Variants in SYTL2 observed in about 807,000 individuals in gnomAD.
The protein encoded by SYTL2 is synaptotagmin like 2, also known as synaptotagmin-like protein 2.
In SYTL2, 165 loss-of-function variants were observed where a neutral mutation model predicts 198.7. That is an observed-to-expected ratio of 0.83 (90% CI 0.73 to 0.94). The LOEUF (loss-of-function observed/expected upper bound fraction) is 0.94. Ranked by LOEUF, SYTL2 falls within the 40% of genes least tolerant of loss-of-function variation. The pLI, the probability that SYTL2 is intolerant of heterozygous loss-of-function variation, is 0.00. For missense variants in SYTL2, 2,835 were observed against 2,582.8 expected (o/e 1.10, Z -2.12); for synonymous variants, 966 against 917.7 (o/e 1.05, Z -0.95).
Position 85,715,497 on chromosome 11 carries a change from T to A in SYTL2, c.5531-990A>T, listed in dbSNP as rs556255587. Reference sequence around the variant, plus strand: ...ATCATTATAAGAGATATTAAGAAAATAGGTAAAAATCAAATTATATTTATA... The same window carrying A: ...ATCATTATAAGAGATATTAAGAAAAAAGGTAAAAATCAAATTATATTTATA... On this transcript the variant is annotated intron_variant, in intron 11 of 19. Coordinates refer to ENST00000359152, the MANE Select transcript of SYTL2 (RefSeq NM_206927.4). 3.3e-5 allele frequency among the ~76,000 whole-genome samples: 5 copies of A among 152,092 alleles called. No individual in the cohort carries two copies. In the East Asian group the frequency reaches 9.6e-4, roughly 29 times the overall value.
At chr11:85,708,712 C>G (rs1195977818) in intron 14 of SYTL2, among the ~76,000 whole-genome samples, 1 of 151,992 alleles carries the variant, frequency 6.6e-6, no homozygotes, top group African/African-American at 2.4e-5. Context: ...TTGCTTCTAT[C>G]TGAATTCACA....
At chr11:85,709,128 G>A (rs1261662672) in intron 14 of SYTL2, among the ~76,000 whole-genome samples, 5 of 151,688 alleles carry the variant, frequency 3.3e-5, no homozygotes, top group African/African-American at 2.4e-5. Flanking sequence ...GTGAGCCACC[G>A]TGCCCGGCCT....
At chr11:85,796,435 G>A (rs768553688) in intron 1 of SYTL2, among the ~76,000 whole-genome samples, 4 of 152,130 alleles carry the variant, frequency 2.6e-5, no homozygotes, top group Non-Finnish European at 4.4e-5. Context: ...AAGTGAATCC[G>A]AGGCAAATAT....
chr11:85,705,871 A>G (rs2085054386), intron 15 of SYTL2, among the ~76,000 whole-genome samples: 1 of 152,208 alleles, frequency 6.6e-6, no homozygotes, highest in Non-Finnish European at 1.5e-5. Flanking sequence ...TCAAACTGTA[A>G]TTAAAAACTT....
intron 1 of SYTL2, among the ~76,000 whole-genome samples, chr11:85,795,671 C>A (rs1356224353): frequency 6.6e-6 from 1 of 152,200 alleles, no homozygotes; most frequent in Non-Finnish European, 1.5e-5. Context: ...CTATTTCTAT[C>A]TTCTTCCTTA....
chr11:85,740,560 G>T (rs1322015033), intron 4 of SYTL2, among the ~76,000 whole-genome samples: 3 of 152,174 alleles, frequency 2.0e-5, no homozygotes, highest in Non-Finnish European at 4.4e-5. Context: ...GCCAGATACT[G>T]TGTCTTCTGT....
intron 7 of SYTL2, 94 bp from the exon 8 acceptor site, chr11:85,728,061 T>C (rs2089417998): frequency 1.7e-6 from 2 of 1,148,832 alleles, no homozygotes; most frequent in Non-Finnish European, 1.2e-6. Flanking sequence ...GCACTTTGTA[T>C]TTGCACTTTC....
intron 1 of SYTL2, among the ~76,000 whole-genome samples, chr11:85,787,601 C>T (rs1376536095): frequency 2.6e-5 from 4 of 151,880 alleles, no homozygotes; most frequent in South Asian, 2.1e-4. Context: ...AGGACTGTAC[C>T]GCAAGTCCTC....
At chr11:85,833,138 GGAAGGAAGGAAGGAAGGAAAGAAAGAAA>G in the SYTL2 span, among the ~76,000 whole-genome samples, 72 of 90,402 alleles carry the variant, frequency 8.0e-4, 2 homozygotes, top group African/African-American at 2.4e-3. Flanking sequence ...AAGGAAGGAA[GGAAGGAAGGAAGGAAGGAAAGAAAGAAA>G]GAAAGAAAGA....
At chr11:85,850,887 G>A in the SYTL2 span, among the ~76,000 whole-genome samples, 3 of 150,440 alleles carry the variant, frequency 2.0e-5, no homozygotes, top group East Asian at 1.9e-4. Flanking sequence ...GGACATGGAT[G>A]AAATTGGAAA....
chr11:85,698,670 G>A (rs1162397150), intron 17 of SYTL2, among the ~76,000 whole-genome samples: 1 of 152,102 alleles, frequency 6.6e-6, no homozygotes, highest in East Asian at 1.9e-4. Flanking sequence ...TCCCAGAGGA[G>A]CTGCAACTAC....
chr11:85,726,610 C>G lies in SYTL2; in HGVS notation c.2748G>C (p.Val916=). 1 of 1,548,732 alleles carries G rather than the reference C, an allele frequency of 6.5e-7. No homozygotes were observed. Among genetic ancestry groups the G allele is most frequent in the Non-Finnish European group, 8.7e-7 (1 of 1,152,650 alleles). The change falls in exon 8 of 20, where the codon GTG becomes GTC. Residue 916 remains valine, a synonymous_variant. Coordinates refer to ENST00000359152, the MANE Select transcript of SYTL2 (RefSeq NM_206927.4). Reference sequence around the variant, plus strand: ...TTCTTCTAGAAGGCAAACTGTCTGCCACTTGTGATCTTTTTATAGGCTCAT... The same window carrying G: ...TTCTTCTAGAAGGCAAACTGTCTGCGACTTGTGATCTTTTTATAGGCTCAT... ...KKNEPIKRSQ[V]ADSLPSRRNI...
intron 8 of SYTL2, among the ~76,000 whole-genome samples, chr11:85,723,432 G>A (rs924348227): frequency 6.6e-6 from 1 of 152,236 alleles, no homozygotes; most frequent in African/African-American, 2.4e-5. Flanking sequence ...TCTGAGGGAA[G>A]GAAAGTTCCG....
chr11:85,696,222 TGG>T lies in SYTL2; in HGVS notation c.6533_6534del (p.Thr2178LysfsTer15). ...ELTVWDHYKLTNQFLGGLRIG... is the reference protein window; with the variant it reads ...ELTVWDHYKLXNQFLGGLRIG... ...ATACGAAGACCTCCCAAAAATTGGTTGGTTAATTTGTAATGGTCCCAGACAGT... is the reference window on the plus strand; with the variant it reads ...ATACGAAGACCTCCCAAAAATTGGTTTTAATTTGTAATGGTCCCAGACAGT... On this transcript the variant is annotated frameshift_variant, in exon 19 of 20. Transcript: ENST00000359152. LOFTEE classifies it high-confidence loss of function. 1 of 1,613,986 alleles carries T rather than the reference TGG, an allele frequency of 6.2e-7. No homozygotes were observed. The highest frequency in any genetic ancestry group is 2.2e-5 in the East Asian group (1 of 44,888).
chr11:85,719,228 T>C lies in SYTL2; in HGVS notation c.5429-385A>G. 2.5e-6 allele frequency: 3 copies of C among 1,206,460 alleles called. No individual in the cohort carries two copies. In the South Asian group the frequency reaches 4.6e-5, roughly 19 times the overall value. 74.7% of individuals were successfully genotyped at this position (1,206,460 alleles called of 1,614,324 possible). On this transcript the variant is annotated intron_variant, in intron 9 of 19. Transcript: ENST00000359152. ...CCAAACCCATGGTCATTAACAAATA[T>C]TTGTGTGTGTGCATCATCATTCACA...
chr11:85,700,714 T>C lies in SYTL2; in HGVS notation c.6190-121A>G, dbSNP rs1190151300. On this transcript the variant is annotated intron_variant, in intron 16 of 19. Transcript: ENST00000359152. ...GGGACCATGTGTCACTCATGAGTGC[T>C]CTGGATTAAAATTTCTCTCTGCATC... 9.6e-6 allele frequency: 7 copies of C among 729,112 alleles called. No homozygotes were observed. The Admixed American group carries it at 1.6e-4, about 17-fold the overall frequency. The allele number at this position is 729,112 out of a possible 1,614,324, so 45.2% of individuals were successfully genotyped here. A position where few individuals can be genotyped will look rare whatever the true frequency, so the allele number is the denominator to read the frequency against.
chr11:85,845,212 T>C, the SYTL2 span, among the ~76,000 whole-genome samples: 8 of 152,204 alleles, frequency 5.3e-5, no homozygotes, highest in African/African-American at 1.9e-4. Flanking sequence ...CCAACTGTTT[T>C]ATAATTGCAG....
At chr11:85,797,057 G>A (rs993190896) in intron 1 of SYTL2, among the ~76,000 whole-genome samples, 1 of 152,108 alleles carries the variant, frequency 6.6e-6, no homozygotes, top group African/African-American at 2.4e-5. Context: ...CAGGTGCAGT[G>A]GCATGCACCT....
Position 85,726,462 on chromosome 11 carries a change from CTTTT to C in SYTL2, c.2892_2895del (p.Arg967TrpfsTer18). On this transcript the variant is annotated frameshift_variant, in exon 8 of 20. Coordinates refer to ENST00000359152, the MANE Select transcript of SYTL2 (RefSeq NM_206927.4). LOFTEE classifies it high-confidence loss of function. ...TCTGCATTGGGTTCATCCATTCTTTCTTTTAGGGACATAACTTTAAAGTTGGCAT... is the reference window on the plus strand; with the variant it reads ...TCTGCATTGGGTTCATCCATTCTTTCAGGGACATAACTTTAAAGTTGGCAT... 1 of 1,612,612 alleles carries C rather than the reference CTTTT, an allele frequency of 6.2e-7. No individual in the cohort carries two copies.
Sources: gnomAD v4.1 joint callset for allele counts (sites outside exome capture counted in the v4.1 genomes callset) on GRCh38, gnomAD v4.1.1 for gene constraint, MANE v1.5 for transcripts, NCBI Gene and HGNC (gene_info 2026-07-23, HGNC 2026-07-21) for gene names.